The following POM121C variants were observed in gnomAD, a reference collection of about 807,000 sequenced individuals.
The protein encoded by POM121C is POM121 transmembrane nucleoporin C.
A neutral mutation model predicts 66.4 loss-of-function variants in POM121C; 20 were observed. The observed-to-expected ratio is 0.30, with a 90% CI of 0.21 to 0.44. The LOEUF (loss-of-function observed/expected upper bound fraction) is 0.44. Ranked by LOEUF, POM121C falls within the 20% of genes least tolerant of loss-of-function variation. POM121C has a pLI of 1.00. For missense variants in POM121C, 580 were observed against 1,225.7 expected, an observed-to-expected ratio of 0.47 and a Z score of 7.87; for synonymous variants, 286 against 528.0, an observed-to-expected ratio of 0.54 and a Z score of 6.28.
intron 7 of POM121C, among the ~76,000 whole-genome samples, chr7:75,428,123 G>A (rs587747146): frequency 6.6e-6 from 1 of 152,142 alleles, no homozygotes; most frequent in African/African-American, 2.4e-5. Context: ...CTCACACGAC[G>A]GCTCATCAGT....
chr7:75,439,266 T>C, intron 5 of POM121C, 42 bp from the exon 6 acceptor site: 1 of 1,608,544 alleles, frequency 6.2e-7, no homozygotes, highest in South Asian at 1.1e-5. Flanking sequence ...TGACATGACT[T>C]TGTTTGTCCC....
chr7:75,445,174 AACACAAATACCTAATAATATAT>A (rs1563146887), intron 3 of POM121C, among the ~76,000 whole-genome samples: 1 of 148,678 alleles, frequency 6.7e-6, no homozygotes, highest in Non-Finnish European at 1.5e-5. Flanking sequence ...TCGAATGGGA[AACACAAATACCTAATAATATAT>A]ACATATGTGC....
chr7:75,458,960 G>GA (rs1791349236), intron 3 of POM121C, among the ~76,000 whole-genome samples: 1 of 151,532 alleles, frequency 6.6e-6, no homozygotes, highest in African/African-American at 2.4e-5. Flanking sequence ...GAAACACACT[G>GA]AAAAATATAA....
At chr7:75,453,357 C>T (rs1176710558) in intron 3 of POM121C, among the ~76,000 whole-genome samples, 1 of 150,020 alleles carries the variant, frequency 6.7e-6, no homozygotes, top group Admixed American at 6.6e-5. Context: ...CTGAGGCAGG[C>T]GGATCACCTG....
At chr7:75,453,893 T>C (rs1791114709) in intron 3 of POM121C, among the ~76,000 whole-genome samples, 1 of 152,192 alleles carries the variant, frequency 6.6e-6, no homozygotes, top group Admixed American at 6.5e-5. Context: ...ACCTGTGGGC[T>C]GGAACCTGTC....
At chr7:75,440,034 C>T (rs1790573159) in intron 5 of POM121C, among the ~76,000 whole-genome samples, 2 of 151,582 alleles carry the variant, frequency 1.3e-5, no homozygotes, top group African/African-American at 2.4e-5. Flanking sequence ...GCACCCACCA[C>T]CACATCCAGC....
chr7:75,477,804 A>T (rs587695212), intron 1 of POM121C, among the ~76,000 whole-genome samples: 12 of 151,846 alleles, frequency 7.9e-5, no homozygotes, highest in African/African-American at 2.7e-4. Flanking sequence ...ACATATAGAC[A>T]GAGACATGAG....
At chr7:75,485,114 G>A (rs1391213516) in intron 1 of POM121C, among the ~76,000 whole-genome samples, 2 of 152,048 alleles carry the variant, frequency 1.3e-5, no homozygotes, top group East Asian at 3.8e-4. Context: ...CAAAATGCTC[G>A]GATTACAGGT....
At chr7:75,471,718 G>C (rs1465268806) in intron 3 of POM121C, among the ~76,000 whole-genome samples, 2 of 152,050 alleles carry the variant, frequency 1.3e-5, no homozygotes, top group African/African-American at 2.4e-5. Context: ...GCGAAAGCAC[G>C]ACCTGCCAGA....
chr7:75,425,492 G>A, intron 9 of POM121C, 143 bp downstream of exon 9: 1 of 1,215,140 alleles, frequency 8.2e-7, no homozygotes, highest in East Asian at 2.6e-5. Flanking sequence ...ACTTCTGAAG[G>A]AGAGGAAATC....
intron 5 of POM121C, among the ~76,000 whole-genome samples, chr7:75,440,252 T>G (rs1790583111): frequency 6.6e-6 from 1 of 151,964 alleles, no homozygotes; most frequent in South Asian, 2.1e-4. Flanking sequence ...TCCCAAGCAT[T>G]TCCTTCAGCA....
chr7:75,476,915 G>C (rs1362425802), intron 1 of POM121C, among the ~76,000 whole-genome samples: 1 of 151,742 alleles, frequency 6.6e-6, no homozygotes. Context: ...TATCCATGAA[G>C]ATACTTGAAA....
chr7:75,439,949 C>T (rs1179288115), intron 5 of POM121C, among the ~76,000 whole-genome samples: 4 of 148,174 alleles, frequency 2.7e-5, no homozygotes, highest in South Asian at 2.1e-4. Context: ...GGCATGGTCT[C>T]GGCTCGCTGC....
At chr7:75,448,499 A>G (rs1365921305) in intron 3 of POM121C, among the ~76,000 whole-genome samples, 2 of 43,430 alleles carry the variant, frequency 4.6e-5, no homozygotes, top group Non-Finnish European at 8.6e-5. Context: ...CCCAACAGAA[A>G]CAGAAAAAAA....
intron 3 of POM121C, among the ~76,000 whole-genome samples, chr7:75,454,752 G>A (rs1285820077): frequency 6.6e-6 from 1 of 152,270 alleles, no homozygotes; most frequent in Non-Finnish European, 1.5e-5. Flanking sequence ...TTTCTCTGCT[G>A]ATGCCGGAGG....
intron 13 of POM121C, chr7:75,420,365 C>G (rs71234110): frequency 6.6e-6 from 1 of 152,336 alleles, no homozygotes; most frequent in African/African-American, 2.4e-5. Flanking sequence ...TGAGCTGCAT[C>G]GGGGCACTGA....
Position 75,419,334 on chromosome 7 carries a change from C to A in POM121C, c.2852G>T (p.Gly951Val). ...TTGCTGCTTACCGAACGGTCCAACACCAACAAAGCCTTGGGCGGGTGCTGA... is the reference window on the plus strand; with the variant it reads ...TTGCTGCTTACCGAACGGTCCAACAACAACAAAGCCTTGGGCGGGTGCTGA... ...ASSAPAQGFV[G>V]VGPFGSAAPS... The change falls in exon 14 of 15, where the codon GGT becomes GTT. Residue 951 changes from glycine to valine, a missense_variant. Gly to Val is a moderately radical substitution (Grantham distance 109). Coordinates refer to ENST00000615331, the MANE Select transcript of POM121C (RefSeq NM_001099415.3). The A allele has an allele frequency of 1.2e-6, 2 of 1,613,318 alleles. No homozygotes were observed. The highest frequency in any genetic ancestry group is 1.7e-6 in the Non-Finnish European group (2 of 1,179,560).
chr7:75,418,588 C>G lies in POM121C; in HGVS notation c.*208G>C. 2 of 1,318,426 alleles carry G rather than the reference C, an allele frequency of 1.5e-6. No homozygotes were observed. Among genetic ancestry groups the G allele is most frequent in the Non-Finnish European group, 2.0e-6 (2 of 1,013,888 alleles). The allele number at this position is 1,318,426 out of a possible 1,614,324, so 81.7% of individuals were successfully genotyped here. A position where few individuals can be genotyped will look rare whatever the true frequency, so the allele number is the denominator to read the frequency against. On this transcript the variant is annotated 3_prime_UTR_variant, in exon 15 of 15. Coordinates refer to ENST00000615331, the MANE Select transcript of POM121C (RefSeq NM_001099415.3). ...TCAAGTAGAGGTCCCGGGCTTTGGC[C>G]CTCCGCATCCTGCTTCCCCTTCCCT...
At chr7:75,456,426 G>A (rs1439052994) in intron 3 of POM121C, among the ~76,000 whole-genome samples, 6 of 152,194 alleles carry the variant, frequency 3.9e-5, no homozygotes, top group East Asian at 1.9e-4. Context: ...CCACACATTC[G>A]TCTATTTCAT....
Sources: gnomAD v4.1 joint callset for allele counts (sites outside exome capture counted in the v4.1 genomes callset) on GRCh38, gnomAD v4.1.1 for gene constraint, MANE v1.5 for transcripts, NCBI Gene and HGNC (gene_info 2026-07-23, HGNC 2026-07-21) for gene names.